The following NALF1 variants were observed in gnomAD, a reference collection of about 807,000 sequenced individuals.
NALF1 encodes family with sequence similarity 155 member A.
In NALF1, 3 loss-of-function variants were observed where a neutral mutation model predicts 48.4. The observed-to-expected ratio is 0.06, with a 90% CI of 0.03 to 0.16. NALF1 has a LOEUF of 0.16. Ranked by LOEUF, NALF1 falls within the 10% of genes least tolerant of loss-of-function variation. The pLI is 1.00. For synonymous variants in NALF1, 262 were observed against 245.7 expected (o/e 1.07, Z -0.62); for missense variants, 526 against 571.5 (o/e 0.92, Z 0.81).
In NALF1 at chr13:107,747,504, C is replaced by G. The variant is rs565586911; in HGVS notation, c.915+118178G>C. Among the ~76,000 whole-genome samples, 3 of 152,268 alleles carry G rather than the reference C, an allele frequency of 2.0e-5. No individual in the cohort carries two copies. The East Asian group carries it at 5.8e-4, about 29-fold the overall frequency. On this transcript the variant is annotated intron_variant, in intron 1 of 2. Transcript: ENST00000375915. ...TGTCTCCCATTGTCTCAAACACCTA[C>G]CTCAGTAAAGATTTTTACAACCAAC...
intron 1 of NALF1, among the ~76,000 whole-genome samples, chr13:107,276,714 A>G (rs1460939230): frequency 1.3e-5 from 2 of 152,186 alleles, no homozygotes; most frequent in African/African-American, 4.8e-5. Flanking sequence ...ATAGTTGCAG[A>G]CTTCCCATCT....
intron 1 of NALF1, among the ~76,000 whole-genome samples, chr13:107,815,180 T>C (rs1344741573): frequency 3.3e-5 from 5 of 152,118 alleles, no homozygotes; most frequent in Admixed American, 1.3e-4. Context: ...TTAAAAACTT[T>C]TGTACTTCAA....
At chr13:107,322,959 A>G (rs769670189) in intron 1 of NALF1, among the ~76,000 whole-genome samples, 4 of 152,102 alleles carry the variant, frequency 2.6e-5, no homozygotes, top group Non-Finnish European at 5.9e-5. Flanking sequence ...ACACCTGGAT[A>G]TACCCAGAGC....
intron 1 of NALF1, among the ~76,000 whole-genome samples, chr13:107,593,789 C>T (rs1878663838): frequency 1.4e-5 from 2 of 147,520 alleles, no homozygotes; most frequent in African/African-American, 5.0e-5. Flanking sequence ...ATGACCAACT[C>T]AGGACTGCTT....
chr13:107,236,049 G>A lies in NALF1; in HGVS notation c.916-25294C>T, dbSNP rs150476354. Among the ~76,000 whole-genome samples, 18 of 152,274 alleles carry A rather than the reference G, an allele frequency of 1.2e-4. No individual in the cohort carries two copies. The East Asian group carries it at 2.7e-3, about 23-fold the overall frequency. ...TCATAGATGAGTTCAGTCCCTCACT[G>A]TCTCCTAATAGTGCCTAGGAGCAAT... On this transcript the variant is annotated intron_variant, in intron 1 of 2. Coordinates refer to ENST00000375915, the MANE Select transcript of NALF1 (RefSeq NM_001080396.3).
At chr13:107,730,728 C>T (rs908129745) in intron 1 of NALF1, among the ~76,000 whole-genome samples, 3 of 152,132 alleles carry the variant, frequency 2.0e-5, no homozygotes, top group African/African-American at 7.2e-5. Context: ...ACTGCATGGA[C>T]TTAGGCAACC....
chr13:107,800,964 A>T (rs1314903217), intron 1 of NALF1, among the ~76,000 whole-genome samples: 1 of 152,030 alleles, frequency 6.6e-6, no homozygotes, highest in Non-Finnish European at 1.5e-5. Flanking sequence ...GAACTATCTT[A>T]TACTAATTCA....
chr13:107,577,415 C>T (rs888000147), intron 1 of NALF1, among the ~76,000 whole-genome samples: 16 of 152,080 alleles, frequency 1.1e-4, no homozygotes, highest in African/African-American at 3.9e-4. Context: ...TTCTTGGAGA[C>T]TAGCATGCAA....
intron 1 of NALF1, among the ~76,000 whole-genome samples, chr13:107,669,578 A>G (rs1012955060): frequency 1.3e-5 from 2 of 152,180 alleles, no homozygotes; most frequent in Non-Finnish European, 2.9e-5. Flanking sequence ...TATTTACAAC[A>G]GGTTCACAAG....
chr13:107,301,660 T>C (rs990675991), intron 1 of NALF1, among the ~76,000 whole-genome samples: 5 of 152,224 alleles, frequency 3.3e-5, no homozygotes, highest in African/African-American at 1.2e-4. Context: ...TAGAATGTAG[T>C]TATTTCCTTT....
chr13:107,677,322 A>ACG (rs1881158281), intron 1 of NALF1, among the ~76,000 whole-genome samples: 1 of 152,210 alleles, frequency 6.6e-6, no homozygotes, highest in Non-Finnish European at 1.5e-5. Flanking sequence ...GATTACAGGC[A>ACG]TGAGCCACCG....
At chr13:107,565,875 C>A (rs1394474005) in intron 1 of NALF1, among the ~76,000 whole-genome samples, 1 of 152,164 alleles carries the variant, frequency 6.6e-6, no homozygotes, top group African/African-American at 2.4e-5. Flanking sequence ...TAACTTGGAA[C>A]TCCTAGCAGC....
chr13:107,218,667 C>T (rs1216027996), intron 1 of NALF1, among the ~76,000 whole-genome samples: 1 of 152,092 alleles, frequency 6.6e-6, no homozygotes, highest in Non-Finnish European at 1.5e-5. Flanking sequence ...TTTTAAAAGT[C>T]CACTTCATGA....
intron 1 of NALF1, among the ~76,000 whole-genome samples, chr13:107,606,398 C>G (rs558541667): frequency 6.7e-6 from 1 of 148,286 alleles, no homozygotes; most frequent in African/African-American, 2.4e-5. Flanking sequence ...TGGAGTCTTG[C>G]TCTGTCACTG....
intron 1 of NALF1, among the ~76,000 whole-genome samples, chr13:107,320,684 C>T (rs1018346555): frequency 1.3e-5 from 2 of 151,918 alleles, no homozygotes; most frequent in African/African-American, 4.8e-5. Flanking sequence ...TATCCCAGGC[C>T]CTGTGAAAAG....
At chr13:107,347,208 T>G (rs1882789001) in intron 1 of NALF1, among the ~76,000 whole-genome samples, 1 of 152,200 alleles carries the variant, frequency 6.6e-6, no homozygotes. Context: ...CCAAAGATCC[T>G]CAAGTTGATG....
At chr13:107,719,754 CT>C (rs1242056984) in intron 1 of NALF1, among the ~76,000 whole-genome samples, 1 of 152,030 alleles carries the variant, frequency 6.6e-6, no homozygotes, top group Non-Finnish European at 1.5e-5. Flanking sequence ...TACTCTTTTC[CT>C]TTTTCCCCCA....
At chr13:107,174,388 G>T (rs1166748451) in intron 2 of NALF1, among the ~76,000 whole-genome samples, 1 of 150,246 alleles carries the variant, frequency 6.7e-6, no homozygotes, top group Non-Finnish European at 1.5e-5. Flanking sequence ...ACAGAGTCTC[G>T]CTCTGTCGCC....
chr13:107,325,130 T>C (rs1882327336), intron 1 of NALF1, among the ~76,000 whole-genome samples: 3 of 152,214 alleles, frequency 2.0e-5, no homozygotes, highest in Admixed American at 6.5e-5. Flanking sequence ...ATGATTTATT[T>C]TTCACGTCCT....
Sources: allele counts gnomAD v4.1 joint callset (sites outside exome capture counted in the v4.1 genomes callset), GRCh38; gene constraint gnomAD v4.1.1; transcripts MANE v1.5; gene names NCBI Gene and HGNC (gene_info 2026-07-23, HGNC 2026-07-21).